The following NEGR1 variants were observed in gnomAD, a reference collection of about 807,000 sequenced individuals.
NEGR1 encodes neuronal growth regulator 1, also known as IgLON family member 4.
A neutral mutation model predicts 40.9 loss-of-function variants in NEGR1; 10 were observed. That is an observed-to-expected ratio of 0.24 (90% CI 0.15 to 0.42). The LOEUF is 0.42. Ranked by LOEUF, NEGR1 falls within the 10% of genes least tolerant of loss-of-function variation. The probability of loss-of-function intolerance (pLI) is 1.00; values close to 1 mark genes in which losing one functional copy is unlikely to be tolerated. For synonymous variants in NEGR1, 185 were observed against 166.8 expected, an observed-to-expected ratio of 1.11 and a Z score of -0.84; for missense variants, 352 against 438.9, an observed-to-expected ratio of 0.80 and a Z score of 1.77.
At chr1:71,955,447 C>G (rs1315787383) in intron 1 of NEGR1, among the ~76,000 whole-genome samples, 1 of 152,082 alleles carries the variant, frequency 6.6e-6, no homozygotes, top group Non-Finnish European at 1.5e-5. Context: ...TCTGATATGA[C>G]AGACTGCAAA....
At chr1:71,623,715 CAGA>C (rs1283036332) in intron 4 of NEGR1, among the ~76,000 whole-genome samples, 1 of 151,698 alleles carries the variant, frequency 6.6e-6, no homozygotes, top group Admixed American at 6.6e-5. Context: ...TTAAAGAAAT[CAGA>C]AGATGTGGGA....
rs76185166 is a variant in NEGR1 at position 71,452,826 on chromosome 1, A to C, written c.941-45256T>G. ...GAAACAAAAAAAAACCAAAAAAAAA[A>C]CACAACAGATAACAGTGCCACCTCC... is the stretch of plus-strand genomic sequence containing the variant. On this transcript the variant is annotated intron_variant, in intron 6 of 6. Transcript: ENST00000357731. Among the ~76,000 whole-genome samples the C allele has an allele frequency of 2.1e-3, 312 of 145,578 alleles. 2 individuals are homozygous for C. Among genetic ancestry groups the C allele is most frequent in the African/African-American group, 7.4e-3 (297 of 39,904 alleles).
chr1:71,427,111 A>G (rs1646433738), intron 6 of NEGR1, among the ~76,000 whole-genome samples: 1 of 152,226 alleles, frequency 6.6e-6, no homozygotes. Context: ...ACCTGTATGC[A>G]TGCTCACGTT....
chr1:71,746,962 C>T (rs1655407225), intron 3 of NEGR1, among the ~76,000 whole-genome samples: 1 of 152,130 alleles, frequency 6.6e-6, no homozygotes, highest in Non-Finnish European at 1.5e-5. Flanking sequence ...TTATCTGATT[C>T]TAAGGGTCAC....
At chr1:71,543,953 T>C (rs748047308) in intron 6 of NEGR1, among the ~76,000 whole-genome samples, 1 of 151,640 alleles carries the variant, frequency 6.6e-6, no homozygotes, top group Non-Finnish European at 1.5e-5. Flanking sequence ...TTATATGAAG[T>C]CAAAACTTTT....
At chr1:72,120,201 G>A (rs1649743540) in intron 1 of NEGR1, among the ~76,000 whole-genome samples, 1 of 151,794 alleles carries the variant, frequency 6.6e-6, no homozygotes, top group African/African-American at 2.4e-5. Flanking sequence ...ATATGTGATG[G>A]TAAAAAGCAT....
chr1:71,466,215 C>A (rs1317137146), intron 6 of NEGR1, among the ~76,000 whole-genome samples: 1 of 151,996 alleles, frequency 6.6e-6, no homozygotes, highest in Non-Finnish European at 1.5e-5. Flanking sequence ...TAAATGATAG[C>A]CCTTAGTAAA....
chr1:72,039,819 A>C (rs1410081528), intron 1 of NEGR1, among the ~76,000 whole-genome samples: 1 of 152,018 alleles, frequency 6.6e-6, no homozygotes, highest in East Asian at 1.9e-4. Flanking sequence ...TTTCATGATC[A>C]GAGGGGTCTA....
At chr1:71,874,723 A>G (rs1020209990) in intron 2 of NEGR1, among the ~76,000 whole-genome samples, 4 of 152,212 alleles carry the variant, frequency 2.6e-5, no homozygotes, top group Non-Finnish European at 5.9e-5. Flanking sequence ...AGTATCTTCA[A>G]ATAAAAGATA....
intron 3 of NEGR1, among the ~76,000 whole-genome samples, chr1:71,713,383 T>G (rs1654171525): frequency 6.6e-6 from 1 of 152,204 alleles, no homozygotes; most frequent in East Asian, 1.9e-4. Flanking sequence ...TATAAACTAG[T>G]TGTTTCCCTT....
intron 5 of NEGR1, 32 bp downstream of exon 5, chr1:71,610,994 T>C: frequency 6.2e-7 from 1 of 1,609,990 alleles, no homozygotes; most frequent in Non-Finnish European, 8.5e-7. Context: ...CTCAAAGTGC[T>C]TAGAACACAG....
intron 1 of NEGR1, among the ~76,000 whole-genome samples, chr1:72,274,164 G>A (rs560488121): frequency 2.0e-5 from 3 of 151,792 alleles, no homozygotes; most frequent in African/African-American, 7.3e-5. Context: ...CACTTTACCC[G>A]CTTTATGTTC....
At chr1:71,878,930 C>A (rs1248701614) in intron 2 of NEGR1, among the ~76,000 whole-genome samples, 1 of 151,984 alleles carries the variant, frequency 6.6e-6, no homozygotes, top group African/African-American at 2.4e-5. Flanking sequence ...AAAATAGCAA[C>A]AAGGACCAGC....
At chr1:71,647,400 C>T (rs778478734) in intron 4 of NEGR1, among the ~76,000 whole-genome samples, 8 of 151,860 alleles carry the variant, frequency 5.3e-5, no homozygotes, top group Non-Finnish European at 1.0e-4. Flanking sequence ...GGTCTCATGT[C>T]TAGTAAAGAA....
At chr1:72,150,819 A>G (rs1651099236) in intron 1 of NEGR1, among the ~76,000 whole-genome samples, 1 of 152,100 alleles carries the variant, frequency 6.6e-6, no homozygotes, top group Non-Finnish European at 1.5e-5. Flanking sequence ...ACTTATTCAC[A>G]TATTTTTTGC....
intron 4 of NEGR1, among the ~76,000 whole-genome samples, chr1:71,685,657 G>A (rs771949954): frequency 2.6e-5 from 4 of 152,030 alleles, no homozygotes; most frequent in South Asian, 2.1e-4. Context: ...AACATAGAGC[G>A]TGCTTTCATT....
intron 3 of NEGR1, among the ~76,000 whole-genome samples, chr1:71,713,259 C>A (rs1337582959): frequency 6.6e-6 from 1 of 152,168 alleles, no homozygotes; most frequent in Non-Finnish European, 1.5e-5. Context: ...TGTCTACTTA[C>A]TGATGACCTA....
chr1:72,269,238 C>A (rs1655760938), intron 1 of NEGR1, among the ~76,000 whole-genome samples: 1 of 151,706 alleles, frequency 6.6e-6, no homozygotes, highest in East Asian at 1.9e-4. Context: ...GTACAAGGAA[C>A]TTTTATAGGT....
chr1:71,855,786 G>A (rs527832441), intron 2 of NEGR1, among the ~76,000 whole-genome samples: 1 of 152,014 alleles, frequency 6.6e-6, no homozygotes, highest in South Asian at 2.1e-4. Flanking sequence ...TGCTTTGGGT[G>A]GCAATAAGGT....
Sources: allele counts gnomAD v4.1 joint callset (sites outside exome capture counted in the v4.1 genomes callset), GRCh38; gene constraint gnomAD v4.1.1; transcripts MANE v1.5; gene names NCBI Gene and HGNC (gene_info 2026-07-23, HGNC 2026-07-21).